Variants in BMP6 observed in about 807,000 individuals in gnomAD.
The protein encoded by BMP6 is VG-1-R.
In BMP6, 17 loss-of-function variants were observed where a neutral mutation model predicts 54.1. That is an observed-to-expected ratio of 0.31 (90% CI 0.22 to 0.47). The LOEUF (loss-of-function observed/expected upper bound fraction) is 0.47, where lower values mean the gene tolerates loss of function less well. Among genes scored for constraint, BMP6 ranks in the 20% least tolerant of loss-of-function variants. The pLI is 1.00. For synonymous variants in BMP6, 328 were observed against 291.2 expected (o/e 1.13, Z -1.28); for missense variants, 720 against 690.4 (o/e 1.04, Z -0.48).
intron 1 of BMP6, among the ~76,000 whole-genome samples, chr6:7,838,769 C>T (rs545762572): frequency 2.6e-5 from 4 of 152,070 alleles, no homozygotes; most frequent in Non-Finnish European, 5.9e-5. Context: ...GGTGAAACCT[C>T]GTCTCTACTA....
intron 1 of BMP6, among the ~76,000 whole-genome samples, chr6:7,777,810 C>T (rs1378362483): frequency 6.6e-6 from 1 of 151,952 alleles, no homozygotes; most frequent in Non-Finnish European, 1.5e-5. Context: ...TGGGAGTGAC[C>T]TTTCTCGGAG....
intron 1 of BMP6, among the ~76,000 whole-genome samples, chr6:7,754,750 CT>C (rs1272501451): frequency 6.6e-6 from 1 of 152,154 alleles, no homozygotes; most frequent in African/African-American, 2.4e-5. Flanking sequence ...CAGAGTCTCG[CT>C]CTATTGCCCA....
chr6:7,753,378 G>A (rs1452920718), intron 1 of BMP6, among the ~76,000 whole-genome samples: 1 of 152,210 alleles, frequency 6.6e-6, no homozygotes, highest in African/African-American at 2.4e-5. Context: ...TGTGGTCTGT[G>A]GACCAGCAGC....
intron 1 of BMP6, among the ~76,000 whole-genome samples, chr6:7,799,356 A>G (rs1024959011): frequency 6.6e-6 from 1 of 152,196 alleles, no homozygotes; most frequent in African/African-American, 2.4e-5. Context: ...GTAATTCTGT[A>G]TAAAGTAGAA....
chr6:7,791,431 C>G (rs1159587175), intron 1 of BMP6, among the ~76,000 whole-genome samples: 1 of 152,156 alleles, frequency 6.6e-6, no homozygotes, highest in Non-Finnish European at 1.5e-5. Flanking sequence ...CTATCTCTGT[C>G]TGTCACCTCT....
intron 1 of BMP6, among the ~76,000 whole-genome samples, chr6:7,780,768 G>A (rs1434746898): frequency 1.3e-5 from 2 of 152,026 alleles, no homozygotes; most frequent in Non-Finnish European, 2.9e-5. Flanking sequence ...CTGGAGTGCA[G>A]TGGTGCAGTC....
intron 1 of BMP6, among the ~76,000 whole-genome samples, chr6:7,813,342 C>A (rs1758468698): frequency 7.0e-6 from 1 of 142,932 alleles, no homozygotes; most frequent in Non-Finnish European, 1.5e-5. Context: ...ATATTTGAGG[C>A]CAGATATGAT....
At position 7,808,166 on chromosome 6, in the gene BMP6, C is replaced by T. The variant is rs866567706; in HGVS notation, c.665-36974C>T. 3.3e-5 allele frequency among the ~76,000 whole-genome samples: 5 copies of T among 152,104 alleles called. No individual in the cohort carries two copies. In the South Asian group the frequency reaches 1.0e-3, roughly 32 times the overall value. The stretch of plus-strand genomic sequence containing the variant: ...TGATTTCCTGACCTTGTGATCTGCC[C>T]ACCTCGGCCTCCCAAAGTGCTGGGA... On this transcript the variant is annotated intron_variant, in intron 1 of 6. Transcript: ENST00000283147.
chr6:7,846,295 C>T (rs1439516401), intron 2 of BMP6, among the ~76,000 whole-genome samples: 1 of 152,172 alleles, frequency 6.6e-6, no homozygotes, highest in Non-Finnish European at 1.5e-5. Context: ...AGTCCAGGTT[C>T]CCACTTTTGG....
At chr6:7,782,169 C>G (rs1757958624) in intron 1 of BMP6, among the ~76,000 whole-genome samples, 1 of 151,380 alleles carries the variant, frequency 6.6e-6, no homozygotes, top group African/African-American at 2.4e-5. Context: ...GAGGGGGAGG[C>G]AAGATGCACA....
intron 1 of BMP6, among the ~76,000 whole-genome samples, chr6:7,781,004 C>T (rs1326726369): frequency 1.3e-5 from 2 of 152,182 alleles, no homozygotes; most frequent in Non-Finnish European, 2.9e-5. Context: ...AGCCACTGCG[C>T]CCAGCTAACA....
At chr6:7,762,437 G>A (rs1757627524) in intron 1 of BMP6, among the ~76,000 whole-genome samples, 1 of 152,164 alleles carries the variant, frequency 6.6e-6, no homozygotes, top group Non-Finnish European at 1.5e-5. Flanking sequence ...CAGTAGTCCT[G>A]GGCACTGACT....
chr6:7,849,400 A>G (rs1480733701), intron 2 of BMP6, among the ~76,000 whole-genome samples: 1 of 152,130 alleles, frequency 6.6e-6, no homozygotes, highest in Non-Finnish European at 1.5e-5. Flanking sequence ...AGTATTATAT[A>G]TTTGTCAGTT....
Position 7,880,340 on chromosome 6 carries a change from C to A in BMP6, c.1539C>A (p.His513Gln), listed in dbSNP as rs1207065056. 6.2e-7 allele frequency: 1 copy of A among 1,614,080 alleles called. No individual in the cohort carries two copies. The highest frequency in any genetic ancestry group is 8.5e-7 in the Non-Finnish European group (1 of 1,179,992). Residue 513 changes from histidine to glutamine, a missense_variant, in exon 7 of 7, where the codon CAC becomes CAA. This residue lies in a region of BMP6 where 43 missense variants were observed against 54.0 expected (regional missense o/e 0.80). Coordinates refer to ENST00000283147, the MANE Select transcript of BMP6 (RefSeq NM_001718.6). ...RNMVVRACGC[H>Q] ...TGGTTGTAAGAGCTTGTGGATGCCACTAACTCGAAACCAGATGCTGGGGAC... is the reference window on the plus strand; with the variant it reads ...TGGTTGTAAGAGCTTGTGGATGCCAATAACTCGAAACCAGATGCTGGGGAC...
chr6:7,764,321 C>CT (rs1294735807), intron 1 of BMP6, among the ~76,000 whole-genome samples: 1 of 152,166 alleles, frequency 6.6e-6, no homozygotes, highest in African/African-American at 2.4e-5. Flanking sequence ...GAACTTGTAT[C>CT]TTTTTCTCGA....
intron 1 of BMP6, among the ~76,000 whole-genome samples, chr6:7,765,343 G>A (rs1757671145): frequency 1.3e-5 from 2 of 152,220 alleles, no homozygotes; most frequent in African/African-American, 4.8e-5. Context: ...GAGGGACAAT[G>A]TAATAATGTA....
chr6:7,879,288 T>C, intron 5 of BMP6, 138 bp downstream of exon 5: 1 of 880,404 alleles, frequency 1.1e-6, no homozygotes, highest in South Asian at 1.6e-5. Context: ...TGAGGAGCCC[T>C]CCCAAATGCT....
At chr6:7,736,846 C>T (rs745564937) in intron 1 of BMP6, among the ~76,000 whole-genome samples, 8 of 152,134 alleles carry the variant, frequency 5.3e-5, no homozygotes, top group Non-Finnish European at 8.8e-5. Flanking sequence ...TTTGCCCGCC[C>T]GTTATCTCCC....
chr6:7,748,160 G>T (rs1352981802), intron 1 of BMP6, among the ~76,000 whole-genome samples: 1 of 150,180 alleles, frequency 6.7e-6, no homozygotes, highest in Non-Finnish European at 1.5e-5. Context: ...ACCCCTTAGA[G>T]AGTGTTTGGT....
Sources: allele counts gnomAD v4.1 joint callset (sites outside exome capture counted in the v4.1 genomes callset), GRCh38; gene constraint gnomAD v4.1.1; regional missense constraint gnomAD v4.1.1; transcripts MANE v1.5; gene names NCBI Gene and HGNC (gene_info 2026-07-23, HGNC 2026-07-21).